Variants in NSD1 observed in about 807,000 individuals in gnomAD.
NSD1 encodes nuclear receptor binding SET domain protein 1, also known as histone-lysine N-methyltransferase, H3 lysine-36 specific.
In NSD1, 26 loss-of-function variants were observed where a neutral mutation model predicts 242.7. The observed-to-expected ratio is 0.11, with a 90% CI of 0.08 to 0.15. The LOEUF is 0.15. Ranked by LOEUF, NSD1 falls within the 10% of genes least tolerant of loss-of-function variation. NSD1 has a pLI of 1.00. For missense variants in NSD1, 2,495 were observed against 3,272.8 expected (o/e 0.76, Z 5.80); for synonymous variants, 1,106 against 1,178.1 (o/e 0.94, Z 1.25).
intron 5 of NSD1, among the ~76,000 whole-genome samples, chr5:177,226,675 A>G (rs1764656636): frequency 6.6e-6 from 1 of 152,110 alleles, no homozygotes; most frequent in Admixed American, 6.6e-5. Flanking sequence ...TTGAAATTTC[A>G]CTTCATAGTT....
intron 14 of NSD1, among the ~76,000 whole-genome samples, chr5:177,267,066 C>T (rs1176120201): frequency 6.6e-6 from 1 of 152,136 alleles, no homozygotes; most frequent in African/African-American, 2.4e-5. Context: ...CCCTGTTGGC[C>T]GGGCTGTTCT....
Position 177,257,145 on chromosome 5 carries a change from T to G in NSD1, c.4960T>G (p.Ser1654Ala). 6.2e-7 allele frequency: 1 copy of G among 1,613,664 alleles called. No individual in the cohort carries two copies. Among genetic ancestry groups the G allele is most frequent in the Non-Finnish European group, 8.5e-7 (1 of 1,179,640 alleles). ...HAANPANVSA[S>A]KGRLMRCVRC... ...TGCTAATCCAGCCAATGTTTCTGCA[T>G]CTAAAGGTATGGATTTCTTATGTGG... Residue 1654 changes from serine to alanine, a missense_variant, in exon 13 of 23, where the codon TCT becomes GCT. This residue lies in a region of NSD1 where 32 missense variants were observed against 46.9 expected (regional missense o/e 0.68). Coordinates refer to ENST00000439151, the MANE Select transcript of NSD1 (RefSeq NM_022455.5).
upstream of NSD1, among the ~76,000 whole-genome samples, chr5:177,131,814 A>G (rs1009713137): frequency 2.0e-5 from 3 of 152,256 alleles, no homozygotes; most frequent in Non-Finnish European, 2.9e-5. Flanking sequence ...AGATGGAGTT[A>G]ACTCCAAATC....
rs760835123 is a variant in NSD1 at position 177,139,789 on chromosome 5, T to C, written c.927+3759T>C. 4.7e-4 allele frequency among the ~76,000 whole-genome samples: 71 copies of C among 152,150 alleles called. 1 individual carries two copies. Among genetic ancestry groups the C allele is most frequent in the Non-Finnish European group, 6.0e-4 (41 of 67,982 alleles). ...GGGCAACATAGTGAGATCCTGTCTC[T>C]ACACTCAGTTGGTTGTGGTGGTATG... On this transcript the variant is annotated intron_variant, in intron 2 of 22. Coordinates refer to ENST00000439151, the MANE Select transcript of NSD1 (RefSeq NM_022455.5).
At chr5:177,197,361 G>A (rs190645601) in intron 3 of NSD1, among the ~76,000 whole-genome samples, 2 of 152,212 alleles carry the variant, frequency 1.3e-5, no homozygotes, top group East Asian at 3.9e-4. Flanking sequence ...AGTGGCTCAC[G>A]CCTATAATCC....
intron 3 of NSD1, among the ~76,000 whole-genome samples, chr5:177,201,193 T>C (rs2149832980): frequency 6.6e-6 from 1 of 152,142 alleles, no homozygotes; most frequent in East Asian, 1.9e-4. Context: ...AACCTAAGCA[T>C]CTGTGTCTTT....
At chr5:177,255,521 T>C (rs776151147) in intron 12 of NSD1, among the ~76,000 whole-genome samples, 7 of 152,190 alleles carry the variant, frequency 4.6e-5, no homozygotes, top group Non-Finnish European at 1.0e-4. Flanking sequence ...CTTTTTCTTA[T>C]GTTGTACTGC....
At chr5:177,187,934 A>G (rs1246456788) in intron 2 of NSD1, among the ~76,000 whole-genome samples, 26 of 152,168 alleles carry the variant, frequency 1.7e-4, no homozygotes, top group Non-Finnish European at 5.9e-5. Flanking sequence ...GCCCAATACC[A>G]TATATAAAAA....
intron 22 of NSD1, among the ~76,000 whole-genome samples, chr5:177,293,338 G>A (rs1759995525): frequency 6.6e-6 from 1 of 151,934 alleles, no homozygotes. Context: ...ATAGAGCAAA[G>A]GTAAATCTTC....
At chr5:177,221,080 C>G (rs763896400) in intron 5 of NSD1, 1 of 451,934 alleles carries the variant, frequency 2.2e-6, no homozygotes, top group Non-Finnish European at 4.4e-6. Flanking sequence ...ACCATGTTGG[C>G]CAGGCTGGTC....
At chr5:177,284,034 G>C in intron 20 of NSD1, 106 bp downstream of exon 20, 2 of 1,343,764 alleles carry the variant, frequency 1.5e-6, no homozygotes, top group Non-Finnish European at 2.1e-6. Flanking sequence ...TATATGTACC[G>C]TTCTCTGGAA....
At chr5:177,290,010 G>A (rs1759671070) in intron 21 of NSD1, among the ~76,000 whole-genome samples, 1 of 151,394 alleles carries the variant, frequency 6.6e-6, no homozygotes, top group African/African-American at 2.4e-5. Context: ...TATATTTTTA[G>A]TAGAAACAGG....
rs371230458 is a variant in NSD1 at position 177,231,198 on chromosome 5, G to A, written c.3797-4623G>A. Among the ~76,000 whole-genome samples, 14 of 152,110 alleles carry A rather than the reference G, an allele frequency of 9.2e-5. No homozygotes were observed. In the East Asian group the frequency reaches 1.6e-3, roughly 17 times the overall value. ...ACTCCTGGGCTCAAGTGATCCTCCC[G>A]CCTTAGCCTCCCAAATAGCTGGGAC... On this transcript the variant is annotated intron_variant, in intron 5 of 22. Transcript: ENST00000439151.
At chr5:177,266,088 C>T (rs1757421898) in intron 14 of NSD1, 2 of 1,125,122 alleles carry the variant, frequency 1.8e-6, no homozygotes, top group East Asian at 4.7e-5. Flanking sequence ...TCCTCGGTGG[C>T]CGTCACATAC....
At chr5:177,145,035 G>C (rs1163329299) in intron 2 of NSD1, among the ~76,000 whole-genome samples, 1 of 150,940 alleles carries the variant, frequency 6.6e-6, no homozygotes, top group Non-Finnish European at 1.5e-5. Flanking sequence ...CAGTAAGCTG[G>C]GATTGTGCCA....
chr5:177,223,129 A>G (rs931349761), intron 5 of NSD1, among the ~76,000 whole-genome samples: 5 of 150,472 alleles, frequency 3.3e-5, no homozygotes, highest in African/African-American at 1.2e-4. Flanking sequence ...CCAGGCTGCA[A>G]TGCAACCCAG....
At chr5:177,164,877 A>T (rs975972388) in intron 2 of NSD1, among the ~76,000 whole-genome samples, 4 of 151,152 alleles carry the variant, frequency 2.6e-5, no homozygotes, top group Non-Finnish European at 5.9e-5. Flanking sequence ...CAGGAGGTGG[A>T]GGTTACAGTG....
At chr5:177,217,890 G>A (rs568973151) in intron 5 of NSD1, among the ~76,000 whole-genome samples, 7 of 151,482 alleles carry the variant, frequency 4.6e-5, no homozygotes, top group Non-Finnish European at 7.4e-5. Context: ...GGCTAGTCTC[G>A]AACTCTTGAC....
At chr5:177,137,787 T>TA (rs890596742) in intron 2 of NSD1, among the ~76,000 whole-genome samples, 136 of 149,384 alleles carry the variant, frequency 9.1e-4, no homozygotes, top group African/African-American at 2.7e-3. Flanking sequence ...TTGGTTCTAT[T>TA]AAAAAAAAAA....
Sources: allele counts gnomAD v4.1 joint callset (sites outside exome capture counted in the v4.1 genomes callset), GRCh38; gene constraint gnomAD v4.1.1; regional missense constraint gnomAD v4.1.1; transcripts MANE v1.5; gene names NCBI Gene and HGNC (gene_info 2026-07-23, HGNC 2026-07-21).